The following DOCK3 variants were observed in gnomAD, a reference collection of about 807,000 sequenced individuals.
DOCK3 encodes dedicator of cytokinesis 3.
Under a neutral mutation model 265.6 loss-of-function variants are expected in DOCK3, and 60 were observed. That is an observed-to-expected ratio of 0.23 (90% CI 0.18 to 0.28). DOCK3 has a LOEUF of 0.28. Among genes scored for constraint, DOCK3 ranks in the 10% least tolerant of loss-of-function variants. The pLI, the probability that DOCK3 is intolerant of heterozygous loss-of-function variation, is 1.00. For missense variants in DOCK3, 1,981 were observed against 2,594.3 expected, an observed-to-expected ratio of 0.76 and a Z score of 5.14; for synonymous variants, 881 against 938.0, an observed-to-expected ratio of 0.94 and a Z score of 1.11.
At chr3:50,961,237 A>T (rs2076877340) in intron 5 of DOCK3, among the ~76,000 whole-genome samples, 1 of 152,204 alleles carries the variant, frequency 6.6e-6, no homozygotes, top group Non-Finnish European at 1.5e-5. Context: ...TTGTCAAAAA[A>T]TTTGGGAAAC....
intron 24 of DOCK3, among the ~76,000 whole-genome samples, chr3:51,274,630 A>G (rs978626208): frequency 6.6e-6 from 1 of 152,078 alleles, no homozygotes; most frequent in South Asian, 2.1e-4. Context: ...TTAAAAAATT[A>G]TCCGAGTGTG....
chr3:50,804,136 ATGATGGGGGG>A, intron 2 of DOCK3, among the ~76,000 whole-genome samples: 1 of 145,802 alleles, frequency 6.9e-6, no homozygotes, highest in Middle Eastern at 3.6e-3. Flanking sequence ...CACATCTCAG[ATGATGGGGGG>A]CGGGGTAGAG....
chr3:51,127,775 A>T (rs2084332803), intron 9 of DOCK3, among the ~76,000 whole-genome samples: 1 of 152,140 alleles, frequency 6.6e-6, no homozygotes, highest in African/African-American at 2.4e-5. Flanking sequence ...TCAGCAGGTC[A>T]TGGTTTTTTT....
intron 3 of DOCK3, among the ~76,000 whole-genome samples, chr3:50,881,948 C>T (rs1368914646): frequency 3.9e-5 from 6 of 152,078 alleles, no homozygotes; most frequent in Admixed American, 1.3e-4. Context: ...ATAGAGCCCT[C>T]GGAAATAATA....
At chr3:51,172,257 C>T (rs1343165250) in intron 12 of DOCK3, among the ~76,000 whole-genome samples, 2 of 151,904 alleles carry the variant, frequency 1.3e-5, no homozygotes, top group African/African-American at 4.8e-5. Flanking sequence ...CTCACTGCAA[C>T]CTCCGCCTCC....
chr3:51,027,448 T>C (rs2079869007), intron 5 of DOCK3, among the ~76,000 whole-genome samples: 1 of 152,178 alleles, frequency 6.6e-6, no homozygotes, highest in African/African-American at 2.4e-5. Context: ...GGGTATTCTG[T>C]AGATGTCTAT....
At chr3:50,920,631 TTC>T (rs1164100493) in intron 4 of DOCK3, among the ~76,000 whole-genome samples, 2 of 152,350 alleles carry the variant, frequency 1.3e-5, no homozygotes, top group South Asian at 4.1e-4. Context: ...TATTTGATTC[TTC>T]TCTCTTTTCT....
chr3:51,268,756 C>G (rs1366079572), intron 23 of DOCK3, among the ~76,000 whole-genome samples: 1 of 152,058 alleles, frequency 6.6e-6, no homozygotes, highest in Non-Finnish European at 1.5e-5. Context: ...GGAGTGGACT[C>G]TATAAGGGAG....
chr3:50,927,287 G>A (rs1180976845), intron 4 of DOCK3, among the ~76,000 whole-genome samples: 3 of 152,204 alleles, frequency 2.0e-5, no homozygotes, highest in East Asian at 3.8e-4. Flanking sequence ...GGGAGTGGGG[G>A]ATGAGGAGGG....
intron 9 of DOCK3, among the ~76,000 whole-genome samples, chr3:51,101,086 T>C (rs1281699365): frequency 6.6e-6 from 1 of 151,182 alleles, no homozygotes; most frequent in East Asian, 1.9e-4. Context: ...ATTATGGGCA[T>C]GAGCTACCAT....
intron 12 of DOCK3, among the ~76,000 whole-genome samples, chr3:51,164,439 G>A (rs1015102506): frequency 2.6e-4 from 39 of 152,128 alleles, no homozygotes; most frequent in South Asian, 1.5e-3. Context: ...TGGCTAACAC[G>A]GTGAAACCCC....
At chr3:51,024,162 A>G (rs1194186040) in intron 5 of DOCK3, among the ~76,000 whole-genome samples, 1 of 152,076 alleles carries the variant, frequency 6.6e-6, no homozygotes. Context: ...TGTTATAGAA[A>G]GTCTTTGTGC....
At chr3:51,373,400 G>A (rs1394190316) in intron 49 of DOCK3, among the ~76,000 whole-genome samples, 2 of 152,212 alleles carry the variant, frequency 1.3e-5, no homozygotes, top group Non-Finnish European at 2.9e-5. Flanking sequence ...AGAGGCTTGA[G>A]ATCCAGGTGA....
intron 9 of DOCK3, among the ~76,000 whole-genome samples, chr3:51,105,581 T>C (rs1182558547): frequency 6.6e-6 from 1 of 152,172 alleles, no homozygotes; most frequent in Non-Finnish European, 1.5e-5. Context: ...GGAATACTAC[T>C]TAACCATAAA....
intron 3 of DOCK3, chr3:50,881,234 C>G (rs1463055126): frequency 1.3e-5 from 2 of 152,218 alleles, no homozygotes; most frequent in Non-Finnish European, 2.9e-5. Flanking sequence ...GGGATGCCCT[C>G]TCTCACCACT....
At chr3:50,732,944 T>C (rs572686775) in intron 1 of DOCK3, among the ~76,000 whole-genome samples, 43 of 152,306 alleles carry the variant, frequency 2.8e-4, no homozygotes, top group Non-Finnish European at 5.6e-4. Flanking sequence ...GTAATCTCAA[T>C]ATCCTACCAG....
At chr3:51,086,091 A>G (rs1434129432) in intron 7 of DOCK3, among the ~76,000 whole-genome samples, 1 of 152,134 alleles carries the variant, frequency 6.6e-6, no homozygotes, top group African/African-American at 2.4e-5. Context: ...TTACCCATGT[A>G]TTTCTTAACA....
At chr3:51,321,341 C>A (rs2083713909) in intron 32 of DOCK3, among the ~76,000 whole-genome samples, 2 of 152,086 alleles carry the variant, frequency 1.3e-5, no homozygotes, top group Admixed American at 6.5e-5. Flanking sequence ...TATCAAAGAC[C>A]AACGGTAGAT....
At chr3:50,819,887 G>A (rs2044301408) in intron 2 of DOCK3, among the ~76,000 whole-genome samples, 1 of 152,150 alleles carries the variant, frequency 6.6e-6, no homozygotes, top group Admixed American at 6.6e-5. Flanking sequence ...GCTTGAGCCT[G>A]GGAGGTGGAG....
Sources: gnomAD v4.1 joint callset for allele counts (sites outside exome capture counted in the v4.1 genomes callset) on GRCh38, gnomAD v4.1.1 for gene constraint, MANE v1.5 for transcripts, NCBI Gene and HGNC (gene_info 2026-07-23, HGNC 2026-07-21) for gene names.